MACROH2A1: variants seen among roughly 807,000 people sequenced by gnomAD.
MACROH2A1 encodes the protein core histone macro-H2A.1.
A neutral mutation model predicts 31.6 loss-of-function variants in MACROH2A1; 2 were observed. The ratio of observed to expected loss-of-function variants is 0.06; its 90% CI spans 0.03 to 0.20. The LOEUF (loss-of-function observed/expected upper bound fraction) is 0.20. Ranked by LOEUF, MACROH2A1 falls within the 10% of genes least tolerant of loss-of-function variation. The pLI is 1.00. For missense variants in MACROH2A1, 230 were observed against 474.0 expected (o/e 0.49, Z 4.78); for synonymous variants, 169 against 189.6 (o/e 0.89, Z 0.89).
At chr5:135,362,799 CTT>C (rs1480820826) in intron 4 of MACROH2A1, 1 of 152,052 alleles carries the variant, frequency 6.6e-6, no homozygotes, top group Non-Finnish European at 1.5e-5. Flanking sequence ...TCAAAAAACA[CTT>C]TTTCAAAATT....
chr5:135,339,995 A>G (rs59823309), intron 8 of MACROH2A1, among the ~76,000 whole-genome samples: 25,169 of 152,142 alleles, frequency 0.17, 3,345 homozygotes, highest in African/African-American at 0.37. Context: ...TTAGGAGGGG[A>G]AAGAGGCTGA....
chr5:135,383,932 T>C (rs956078113), intron 2 of MACROH2A1, among the ~76,000 whole-genome samples: 5 of 152,180 alleles, frequency 3.3e-5, no homozygotes, highest in African/African-American at 7.2e-5. Flanking sequence ...TGGGAGCTCC[T>C]AGAGCCTTGG....
intron 5 of MACROH2A1, chr5:135,359,813 T>C (rs1762611394): frequency 2.1e-6 from 2 of 950,402 alleles, no homozygotes; most frequent in Non-Finnish European, 2.5e-6. Flanking sequence ...CTTTTTGATG[T>C]CAATAAAGAA....
intron 2 of MACROH2A1, among the ~76,000 whole-genome samples, chr5:135,385,429 G>C (rs909221040): frequency 9.2e-5 from 14 of 152,178 alleles, no homozygotes; most frequent in Non-Finnish European, 1.5e-5. Context: ...GTGGGGATGG[G>C]TTGGTGTGTA....
At chr5:135,376,633 G>A (rs778316931) in intron 2 of MACROH2A1, among the ~76,000 whole-genome samples, 7 of 152,166 alleles carry the variant, frequency 4.6e-5, no homozygotes, top group Non-Finnish European at 1.0e-4. Flanking sequence ...CTGACAGACC[G>A]TCGGGGTTTG....
intron 4 of MACROH2A1, among the ~76,000 whole-genome samples, chr5:135,364,470 G>C (rs969997352): frequency 6.6e-6 from 1 of 152,160 alleles, no homozygotes; most frequent in South Asian, 2.1e-4. Flanking sequence ...CTACTAAGTG[G>C]TAGATTATTT....
At chr5:135,355,701 T>A (rs1225057276) in intron 5 of MACROH2A1, 1 of 202,442 alleles carries the variant, frequency 4.9e-6, no homozygotes, top group Non-Finnish European at 1.0e-5. Context: ...AGTGAGATGA[T>A]CATGAACGAA....
intron 2 of MACROH2A1, among the ~76,000 whole-genome samples, chr5:135,383,145 C>T (rs1765881242): frequency 6.6e-6 from 1 of 152,196 alleles, no homozygotes; most frequent in African/African-American, 2.4e-5. Context: ...TAGTGTTGAA[C>T]TGATTCTTTT....
intron 5 of MACROH2A1, chr5:135,360,126 T>G (rs1581217830): frequency 3.6e-6 from 1 of 281,516 alleles, no homozygotes; most frequent in South Asian, 3.9e-5. Flanking sequence ...GCCGGCTAGG[T>G]TGTTCACCTT....
intron 8 of MACROH2A1, 110 bp from the exon 9 acceptor site, chr5:135,335,251 T>C (rs1758449377): frequency 1.3e-6 from 1 of 786,950 alleles, no homozygotes; most frequent in Non-Finnish European, 2.1e-6. Context: ...TTGTGTTGGG[T>C]CGGTGTCTGT....
chr5:135,369,262 A>G lies in MACROH2A1; in HGVS notation c.477+144T>C. Reference sequence around the variant, plus strand: ...ACTTGTGTTGGACTAGCCCCTCTGGAGAGTAATCAGCTCCTACATGTTCCT... The same window carrying G: ...ACTTGTGTTGGACTAGCCCCTCTGGGGAGTAATCAGCTCCTACATGTTCCT... On this transcript the variant is annotated intron_variant, in intron 4 of 8. Coordinates refer to ENST00000511689, the MANE Select transcript of MACROH2A1 (RefSeq NM_138610.3). The surrounding 1 kb of genome is among the most constrained non-coding windows in gnomAD (Gnocchi z 4.3). The G allele has an allele frequency of 2.7e-6, 2 of 739,922 alleles. No homozygotes were observed. Among genetic ancestry groups the G allele is most frequent in the Non-Finnish European group, 4.7e-6 (2 of 425,032 alleles). 45.8% of individuals were successfully genotyped at this position (739,922 alleles called of 1,614,324 possible).
chr5:135,355,486 G>A, intron 5 of MACROH2A1: 1 of 293,240 alleles, frequency 3.4e-6, no homozygotes, highest in Non-Finnish European at 6.8e-6. Context: ...AAGTCCTCAG[G>A]GTATGCAGCT....
chr5:135,366,059 A>G (rs959294219), intron 4 of MACROH2A1, among the ~76,000 whole-genome samples: 4 of 152,084 alleles, frequency 2.6e-5, no homozygotes, highest in Non-Finnish European at 5.9e-5. Context: ...TGATGGTTTT[A>G]TAAGTGTCTG....
chr5:135,351,908 T>C (rs1761626723), intron 6 of MACROH2A1, among the ~76,000 whole-genome samples: 1 of 149,654 alleles, frequency 6.7e-6, no homozygotes, highest in East Asian at 1.9e-4. Flanking sequence ...TCCTTGCTTT[T>C]TCTAGCTTGT....
chr5:135,385,052 A>G (rs537448186), intron 2 of MACROH2A1, among the ~76,000 whole-genome samples: 3 of 152,318 alleles, frequency 2.0e-5, no homozygotes, highest in Admixed American at 6.5e-5. Flanking sequence ...CTGGGCATCC[A>G]GACCCCTCCC....
rs1764214452 is a variant in MACROH2A1, at chr5:135,371,898, T to C, written c.173-1756A>G. ...GAAGAAAATTCTAGCTGCATAAAAATCGTGTGTTAAAAATTTACGGTATGA... is the reference window on the plus strand; with the variant it reads ...GAAGAAAATTCTAGCTGCATAAAAACCGTGTGTTAAAAATTTACGGTATGA... On this transcript the variant is annotated intron_variant, in intron 2 of 8. Coordinates refer to ENST00000511689, the MANE Select transcript of MACROH2A1 (RefSeq NM_138610.3). Among the ~76,000 whole-genome samples the C allele has an allele frequency of 3.3e-5, 5 of 152,102 alleles. 1 individual carries two copies. The South Asian group carries it at 6.2e-4, about 19-fold the overall frequency.
Position 135,398,148 on chromosome 5 carries a change from C to A in MACROH2A1, c.-34+914G>T, listed in dbSNP as rs975629682. 1.3e-5 allele frequency among the ~76,000 whole-genome samples: 2 copies of A among 152,158 alleles called. No individual in the cohort carries two copies. The highest frequency in any genetic ancestry group is 1.5e-5 in the Non-Finnish European group (1 of 68,030). On this transcript the variant is annotated intron_variant, in intron 1 of 8. Coordinates refer to ENST00000511689, the MANE Select transcript of MACROH2A1 (RefSeq NM_138610.3). The surrounding 1 kb of genome is among the most constrained non-coding windows in gnomAD (Gnocchi z 4.6). ...CCCCTAACATCTTGTCTAAAAGAAC[C>A]TTTCAAGCAATGTACTGACCAACTC...
intron 4 of MACROH2A1, 90 bp from the exon 5 acceptor site, chr5:135,360,697 A>T: frequency 1.1e-6 from 1 of 889,296 alleles, no homozygotes. Context: ...CATAACACCC[A>T]AGGGGAAACA....
At chr5:135,350,166 A>G (rs1015658308) in intron 6 of MACROH2A1, among the ~76,000 whole-genome samples, 4 of 152,200 alleles carry the variant, frequency 2.6e-5, no homozygotes, top group Non-Finnish European at 5.9e-5. Flanking sequence ...GAATCAACCA[A>G]CAATGCCTTA....
Sources: allele counts gnomAD v4.1 joint callset (sites outside exome capture counted in the v4.1 genomes callset), GRCh38; gene constraint gnomAD v4.1.1; non-coding constraint Gnocchi (gnomAD v3.1); transcripts MANE v1.5; gene names NCBI Gene and HGNC (gene_info 2026-07-23, HGNC 2026-07-21).